Variants in MTBP observed in about 807,000 individuals in gnomAD.
The protein encoded by MTBP is MDM2 binding protein, also known as mdm2-binding protein.
A neutral mutation model predicts 117.0 loss-of-function variants in MTBP; 101 were observed. That is an observed-to-expected ratio of 0.86 (90% confidence interval 0.73 to 1.02). The LOEUF is 1.02. Among genes scored for constraint, MTBP ranks in the 50% least tolerant of loss-of-function variants. The pLI is 0.00. For synonymous variants in MTBP, 350 were observed against 351.5 expected (o/e 1.00, Z 0.05); for missense variants, 970 against 1,030.9 (o/e 0.94, Z 0.81).
chr8:120,489,700 G>A (rs1814303004), intron 12 of MTBP, among the ~76,000 whole-genome samples: 1 of 152,136 alleles, frequency 6.6e-6, no homozygotes, highest in Admixed American at 6.5e-5. Flanking sequence ...AGGCAGCAAG[G>A]AACAAAAGAA....
chr8:120,520,150 T>A (rs1168234705), intron 20 of MTBP, among the ~76,000 whole-genome samples: 1 of 151,896 alleles, frequency 6.6e-6, no homozygotes, highest in Non-Finnish European at 1.5e-5. Flanking sequence ...CCAAAACATA[T>A]AGGAATAAAG....
At chr8:120,466,379 T>A (rs1174447044) in intron 10 of MTBP, among the ~76,000 whole-genome samples, 2 of 149,888 alleles carry the variant, frequency 1.3e-5, no homozygotes, top group African/African-American at 2.4e-5. Flanking sequence ...GGTTGGCTAA[T>A]TTTTTTTTGT....
intron 4 of MTBP, 107 bp from the exon 5 acceptor site, chr8:120,453,740 G>A (rs1047604404): frequency 6.3e-6 from 3 of 477,084 alleles, no homozygotes; most frequent in Non-Finnish European, 1.1e-5. Flanking sequence ...CATCTAACAT[G>A]TTTAACAGTG....
chr8:120,491,239 G>GA (rs1814339862), intron 13 of MTBP, among the ~76,000 whole-genome samples: 6 of 151,706 alleles, frequency 4.0e-5, no homozygotes, highest in Admixed American at 3.9e-4. Flanking sequence ...GTTGTATGTA[G>GA]AAAAAAAGTT....
At chr8:120,486,768 G>A (rs1311563781) in intron 11 of MTBP, among the ~76,000 whole-genome samples, 3 of 152,112 alleles carry the variant, frequency 2.0e-5, no homozygotes, top group Non-Finnish European at 4.4e-5. Context: ...GAAGTGCTTC[G>A]GACTCTTAAA....
intron 16 of MTBP, among the ~76,000 whole-genome samples, chr8:120,508,884 G>A (rs183807396): frequency 4.9e-4 from 75 of 152,088 alleles, no homozygotes; most frequent in African/African-American, 1.8e-3. Context: ...AGAGAAGGAC[G>A]GCACCTATCG....
intron 7 of MTBP, 43 bp downstream of exon 7, chr8:120,456,713 T>C: frequency 1.0e-6 from 1 of 954,504 alleles, no homozygotes; most frequent in South Asian, 1.4e-5. Flanking sequence ...CCTTTCAATT[T>C]TATTTACAAC....
intron 2 of MTBP, among the ~76,000 whole-genome samples, chr8:120,447,805 A>G (rs1813259189): frequency 6.6e-6 from 1 of 152,210 alleles, no homozygotes; most frequent in Non-Finnish European, 1.5e-5. Flanking sequence ...CCTTACCAAG[A>G]GTAGTTTGAG....
chr8:120,462,263 G>A (rs1376085755), intron 9 of MTBP, among the ~76,000 whole-genome samples: 1 of 152,152 alleles, frequency 6.6e-6, no homozygotes, highest in African/African-American at 2.4e-5. Context: ...AGCAAAGCTC[G>A]AACTAAACAA....
chr8:120,480,245 AAAAC>A (rs1219353986), intron 11 of MTBP, among the ~76,000 whole-genome samples: 3 of 148,526 alleles, frequency 2.0e-5, no homozygotes, highest in Admixed American at 1.4e-4. Context: ...CAAAAAAAAA[AAAAC>A]AAAAACAAAA....
chr8:120,469,447 G>A (rs370567431), intron 10 of MTBP, among the ~76,000 whole-genome samples: 2 of 152,112 alleles, frequency 1.3e-5, no homozygotes, highest in African/African-American at 4.8e-5. Flanking sequence ...GATCAGCTTC[G>A]ATCATTGCTC....
Position 120,451,250 on chromosome 8 carries a change from A to G in MTBP, c.353A>G (p.Glu118Gly). ...GAAGATGTTCTTCAAACGAATATCGAAGAATGTTTGGGTGCTGTTGAGTGT... is the reference window on the plus strand; with the variant it reads ...GAAGATGTTCTTCAAACGAATATCGGAGAATGTTTGGGTGCTGTTGAGTGT... ...KIEDVLQTNI[E>G]ECLGAVECFE... is the part of the protein sequence containing the mutation. Residue 118 changes from glutamate (E) to glycine (G), a missense_variant, in exon 4 of 22, where the codon GAA (glutamate) becomes GGA (glycine). Transcript: ENST00000305949. The G allele has an allele frequency of 6.2e-7, 1 of 1,612,684 alleles. No individual in the cohort carries two copies. Among genetic ancestry groups the G allele is most frequent in the Non-Finnish European group, 8.5e-7 (1 of 1,179,080 alleles).
chr8:120,451,763 T>G (rs1040510001), intron 4 of MTBP: 1 of 154,786 alleles, frequency 6.5e-6, no homozygotes, highest in Non-Finnish European at 1.4e-5. Context: ...TATTTTTTTT[T>G]GTAGAAATAT....
chr8:120,504,072 A>C lies in MTBP; in HGVS notation c.1727+1463A>C, dbSNP rs371375356. On this transcript the variant is annotated intron_variant, in intron 15 of 21. Coordinates refer to ENST00000305949, the MANE Select transcript of MTBP (RefSeq NM_022045.5). ...GGAACTCACTCAATTTGGAGTTATC[A>C]TCAGTAGGGATTTCCAAATACATGA... is the stretch of plus-strand genomic sequence containing the variant. 6.8e-4 allele frequency among the ~76,000 whole-genome samples: 103 copies of C among 152,280 alleles called. 1 individual carries two copies. Among genetic ancestry groups the C allele is most frequent in the African/African-American group, 2.3e-3 (96 of 41,556 alleles).
At chr8:120,450,400 T>C (rs2130506433) in intron 2 of MTBP, among the ~76,000 whole-genome samples, 1 of 152,332 alleles carries the variant, frequency 6.6e-6, no homozygotes, top group Middle Eastern at 3.4e-3. Context: ...TTCCTTCCAT[T>C]AGTTAAGCCT....
At chr8:120,489,949 A>C (rs964907813) in intron 12 of MTBP, among the ~76,000 whole-genome samples, 21 of 152,196 alleles carry the variant, frequency 1.4e-4, no homozygotes, top group Non-Finnish European at 1.6e-4. Flanking sequence ...TCCCTATTTC[A>C]AGATAGTACA....
At position 120,518,710 on chromosome 8, in the gene MTBP, AAAG is replaced by A. The variant is rs1309337854; in HGVS notation, c.2507_2509del (p.Glu836del). 36 of 1,601,796 alleles carry A rather than the reference AAAG, an allele frequency of 2.2e-5. No individual in the cohort carries two copies. Among genetic ancestry groups the A allele is most frequent in the Non-Finnish European group, 3.0e-5 (35 of 1,171,434 alleles). ...ATGTTATGTTCTGTTCAAGATACTG[AAAG>A]AAGTAGTTACTGAAACCCTGAAGAA... is the stretch of plus-strand genomic sequence containing the variant. On this transcript the variant is annotated inframe_deletion, in exon 20 of 22. Transcript: ENST00000305949.
intron 15 of MTBP, among the ~76,000 whole-genome samples, chr8:120,504,569 A>G (rs1300467694): frequency 6.6e-6 from 1 of 151,996 alleles, no homozygotes; most frequent in Non-Finnish European, 1.5e-5. Context: ...TGTCTCTAAA[A>G]CTTTTACAAT....
intron 11 of MTBP, chr8:120,471,696 C>G (rs187611733): frequency 6.6e-6 from 1 of 151,898 alleles, no homozygotes; most frequent in Non-Finnish European, 1.5e-5. Flanking sequence ...TTGTAATAAC[C>G]CCATATACTT....
Sources: gnomAD v4.1 joint callset for allele counts (sites outside exome capture counted in the v4.1 genomes callset) on GRCh38, gnomAD v4.1.1 for gene constraint, MANE v1.5 for transcripts, NCBI Gene and HGNC (gene_info 2026-07-23, HGNC 2026-07-21) for gene names.